The following DLGAP2 variants were observed in gnomAD, a reference collection of about 807,000 sequenced individuals.
The protein encoded by DLGAP2 is DLG associated protein 2, also known as disks large-associated protein 2.
A neutral mutation model predicts 100.3 loss-of-function variants in DLGAP2; 26 were observed. The ratio of observed to expected loss-of-function variants is 0.26; its 90% CI spans 0.19 to 0.36. The LOEUF (loss-of-function observed/expected upper bound fraction) is 0.36, where lower values mean the gene tolerates loss of function less well. Ranked by LOEUF, DLGAP2 falls within the 10% of genes least tolerant of loss-of-function variation. DLGAP2 has a pLI of 1.00. For synonymous variants in DLGAP2, 886 were observed against 630.1 expected (o/e 1.41, Z -6.08); for missense variants, 1,858 against 1,453.2 (o/e 1.28, Z -4.53).
intron 3 of DLGAP2, among the ~76,000 whole-genome samples, chr8:1,334,540 G>A (rs1383763295): frequency 1.3e-5 from 2 of 152,194 alleles, no homozygotes; most frequent in Non-Finnish European, 2.9e-5. Context: ...CTTCCAGTGA[G>A]GAAGTCACGC....
At chr8:1,235,723 C>CG (rs528962360) in intron 2 of DLGAP2, among the ~76,000 whole-genome samples, 1 of 24,146 alleles carries the variant, frequency 4.1e-5, no homozygotes, top group African/African-American at 2.7e-4. Flanking sequence ...GTATCTAGTT[C>CG]TCTCACATGG....
At chr8:1,140,817 A>G (rs1164286922) in intron 2 of DLGAP2, among the ~76,000 whole-genome samples, 5 of 152,164 alleles carry the variant, frequency 3.3e-5, no homozygotes, top group Non-Finnish European at 7.3e-5. Flanking sequence ...TACTAAAAAT[A>G]CAAAAATTAG....
intron 3 of DLGAP2, among the ~76,000 whole-genome samples, chr8:1,483,709 G>GGAGGTGGGGACCAGGGAGGCAGGTGTAC (rs1381928066): frequency 2.0e-5 from 3 of 151,616 alleles, no homozygotes; most frequent in African/African-American, 7.3e-5. Flanking sequence ...GGCAGGTGCA[G>GGAGGTGGGGACCAGGGAGGCAGGTGTAC]GACGTGGGGA....
chr8:1,290,714 C>A (rs897852838), intron 3 of DLGAP2, among the ~76,000 whole-genome samples: 1 of 152,188 alleles, frequency 6.6e-6, no homozygotes. Flanking sequence ...ACTATGTATA[C>A]ATTTTACATT....
intron 6 of DLGAP2, among the ~76,000 whole-genome samples, chr8:1,617,056 A>G (rs896857690): frequency 6.6e-6 from 1 of 152,222 alleles, no homozygotes; most frequent in Admixed American, 6.5e-5. Flanking sequence ...GCTGCAAAGG[A>G]CATGATCTCA....
intron 2 of DLGAP2, among the ~76,000 whole-genome samples, chr8:1,060,897 G>A (rs1803061714): frequency 6.6e-6 from 1 of 152,228 alleles, no homozygotes; most frequent in Non-Finnish European, 1.5e-5. Context: ...CACAGTCAAG[G>A]GATCTTAGGG....
chr8:1,430,559 C>T (rs1195935884), intron 3 of DLGAP2, among the ~76,000 whole-genome samples: 1 of 152,218 alleles, frequency 6.6e-6, no homozygotes, highest in East Asian at 1.9e-4. Context: ...AACCCCATTG[C>T]TTCTGGGCCT....
intron 3 of DLGAP2, among the ~76,000 whole-genome samples, chr8:1,305,859 A>T (rs770800505): frequency 9.2e-5 from 14 of 152,190 alleles, no homozygotes; most frequent in Admixed American, 3.3e-4. Flanking sequence ...GGAACAAGGC[A>T]AGTGTGCCCT....
intron 3 of DLGAP2, among the ~76,000 whole-genome samples, chr8:1,344,449 T>C (rs1801509645): frequency 6.6e-6 from 1 of 152,156 alleles, no homozygotes; most frequent in Non-Finnish European, 1.5e-5. Flanking sequence ...TGGGTAAAAG[T>C]CGGGACTCAG....
At chr8:1,244,428 A>G (rs550426766) in intron 2 of DLGAP2, among the ~76,000 whole-genome samples, 1 of 152,358 alleles carries the variant, frequency 6.6e-6, no homozygotes, top group Admixed American at 6.5e-5. Flanking sequence ...TTGTGTTATA[A>G]TGAGGTTAAA....
chr8:1,496,647 A>G (rs1487178420), intron 3 of DLGAP2, among the ~76,000 whole-genome samples: 3 of 152,076 alleles, frequency 2.0e-5, no homozygotes, highest in Non-Finnish European at 2.9e-5. Flanking sequence ...ACCCTCTCAG[A>G]TCCACCCAGA....
In DLGAP2 at chr8:1,427,963, T is replaced by C. The variant is rs189892080; in HGVS notation, c.107-73403T>C. On this transcript the variant is annotated intron_variant, in intron 3 of 14. Transcript: ENST00000637795. The stretch of plus-strand genomic sequence containing the variant: ...AATATAAAATGAACTTATATCAGTA[T>C]TTGTAGGAAGACAGCTAAAATGCAA... 2.8e-3 allele frequency among the ~76,000 whole-genome samples: 431 copies of C among 152,278 alleles called. 1 individual carries two copies. Among genetic ancestry groups the C allele is most frequent in the Middle Eastern group, 0.02 (6 of 294 alleles).
rs140529953 is a variant in DLGAP2, at chr8:953,824, G to C, written c.73+45858G>C. 3.5e-3 allele frequency among the ~76,000 whole-genome samples: 529 copies of C among 152,236 alleles called. 1 individual carries two copies. The highest frequency in any genetic ancestry group is 9.3e-3 in the South Asian group (45 of 4,822). On this transcript the variant is annotated intron_variant, in intron 2 of 14. Coordinates refer to ENST00000637795, the MANE Select transcript of DLGAP2 (RefSeq NM_001346810.2). ...CCTTTGCAGCAGAAGCGCTTTATGGGACTTTCCATTTGGTCAGTCACTCAG... is the reference window on the plus strand; with the variant it reads ...CCTTTGCAGCAGAAGCGCTTTATGGCACTTTCCATTTGGTCAGTCACTCAG...
chr8:862,213 A>C (rs905257255), intron 1 of DLGAP2, among the ~76,000 whole-genome samples: 1 of 152,014 alleles, frequency 6.6e-6, no homozygotes, highest in Non-Finnish European at 1.5e-5. Flanking sequence ...AGTCGCACCC[A>C]GATTCCCACG....
chr8:1,234,024 A>G (rs761966165), intron 2 of DLGAP2, among the ~76,000 whole-genome samples: 5 of 152,298 alleles, frequency 3.3e-5, no homozygotes, highest in Admixed American at 1.3e-4. Flanking sequence ...GGTGACTGCT[A>G]ATGGCACTAT....
chr8:1,067,505 G>A (rs890132342), intron 2 of DLGAP2, among the ~76,000 whole-genome samples: 3 of 152,084 alleles, frequency 2.0e-5, no homozygotes, highest in Non-Finnish European at 2.9e-5. Context: ...CAGCCGTGCC[G>A]TCCTCCACAC....
chr8:1,099,669 A>G (rs1804513699), intron 2 of DLGAP2, among the ~76,000 whole-genome samples: 1 of 152,218 alleles, frequency 6.6e-6, no homozygotes, highest in Non-Finnish European at 1.5e-5. Context: ...TTCTACATTA[A>G]TTAAGTGGGT....
chr8:864,943 T>C (rs991338510), intron 1 of DLGAP2, among the ~76,000 whole-genome samples: 19 of 152,236 alleles, frequency 1.2e-4, no homozygotes, highest in African/African-American at 4.6e-4. Context: ...AAATGTATTC[T>C]TAGATATAGG....
chr8:1,550,051 C>T (rs1223820038), intron 5 of DLGAP2, among the ~76,000 whole-genome samples: 2 of 152,176 alleles, frequency 1.3e-5, no homozygotes, highest in African/African-American at 4.8e-5. Context: ...CTCTGGTAAC[C>T]ACGGTTCCAC....
Sources: gnomAD v4.1 joint callset for allele counts (sites outside exome capture counted in the v4.1 genomes callset) on GRCh38, gnomAD v4.1.1 for gene constraint, MANE v1.5 for transcripts, NCBI Gene and HGNC (gene_info 2026-07-23, HGNC 2026-07-21) for gene names.